Variants in TXNRD3 observed in about 807,000 individuals in gnomAD.
TXNRD3 encodes thioredoxin reductase 3, also known as TXNRD3 neighbor gene protein.
TXNRD3 carries 68 observed loss-of-function variants against 78.2 expected under a neutral mutation model. That is an observed-to-expected ratio of 0.87 (90% confidence interval 0.72 to 1.06). The LOEUF (loss-of-function observed/expected upper bound fraction) is 1.06, where lower values mean the gene tolerates loss of function less well. TXNRD3 is among the 50% of genes least tolerant of loss of function. The pLI is 0.00. For missense variants in TXNRD3, 751 were observed against 809.5 expected (o/e 0.93, Z 0.88); for synonymous variants, 296 against 300.1 (o/e 0.99, Z 0.14).
At chr3:126,649,194 G>C (rs777239) in intron 1 of TXNRD3, among the ~76,000 whole-genome samples, 2 of 152,234 alleles carry the variant, frequency 1.3e-5, no homozygotes, top group Non-Finnish European at 2.9e-5. Flanking sequence ...CTTGAATATA[G>C]ATTTCTTCAA....
At position 126,643,926 on chromosome 3, in the gene TXNRD3, A is replaced by T. The variant is rs1412656751; in HGVS notation, c.592+55T>A. 7 of 1,459,116 alleles carry T rather than the reference A, an allele frequency of 4.8e-6. No individual in the cohort carries two copies. The East Asian group carries it at 1.7e-4, about 36-fold the overall frequency. 90.4% of individuals were successfully genotyped at this position (1,459,116 alleles called of 1,614,324 possible). On this transcript the variant is annotated intron_variant, in intron 5 of 15. Transcript: ENST00000524230. The stretch of plus-strand genomic sequence containing the variant: ...TTGTGAGGATTAAATGAGATTACAT[A>T]AAGCAAACAACATATGTAAAGAGCA...
intron 9 of TXNRD3, 71 bp from the exon 10 acceptor site, chr3:126,629,542 C>T (rs990540696): frequency 1.2e-5 from 14 of 1,184,450 alleles, no homozygotes; most frequent in Non-Finnish European, 1.3e-5. Context: ...AGGGTCTACA[C>T]CGGTATGTTC....
intron 13 of TXNRD3, 51 bp downstream of exon 13, chr3:126,615,304 A>G (rs1938292254): frequency 4.6e-6 from 4 of 860,376 alleles, no homozygotes; most frequent in Non-Finnish European, 6.8e-6. Flanking sequence ...GCAAAGATAA[A>G]TTGTTGATTA....
intron 5 of TXNRD3, 134 bp from the exon 6 acceptor site, chr3:126,642,285 C>G (rs568733074): frequency 2.4e-5 from 29 of 1,215,128 alleles, no homozygotes; most frequent in African/African-American, 1.5e-4. Context: ...AAATAAGACA[C>G]AAGGGATTAA....
At chr3:126,636,706 C>T (rs1032084899) in intron 6 of TXNRD3, among the ~76,000 whole-genome samples, 7 of 152,154 alleles carry the variant, frequency 4.6e-5, no homozygotes, top group Non-Finnish European at 8.8e-5. Context: ...GTTTGGGCAC[C>T]TCTATGGGGT....
In TXNRD3 at chr3:126,633,894, A is replaced by G; in HGVS notation, c.855+15T>C. ...AAAGAAAGGAGATGAACAAGACAAG[A>G]AACTCAAGCACTACCTTTATTTTAT... On this transcript the variant is annotated intron_variant, in intron 7 of 15. Coordinates refer to ENST00000524230, the MANE Select transcript of TXNRD3 (RefSeq NM_052883.3). 2.0e-6 allele frequency: 3 copies of G among 1,464,472 alleles called. No homozygotes were observed. In the South Asian group the frequency reaches 4.2e-5, roughly 21 times the overall value. 90.7% of individuals were successfully genotyped at this position (1,464,472 alleles called of 1,614,324 possible). A position where few individuals can be genotyped will look rare whatever the true frequency, so the allele number is the denominator to read the frequency against.
intron 3 of TXNRD3, among the ~76,000 whole-genome samples, chr3:126,644,731 T>G (rs1933187663): frequency 6.6e-6 from 1 of 152,262 alleles, no homozygotes; most frequent in Non-Finnish European, 1.5e-5. Flanking sequence ...TATAGTCAAG[T>G]GCAGTGGAAT....
intron 14 of TXNRD3, among the ~76,000 whole-genome samples, chr3:126,610,782 A>G (rs375503570): frequency 6.6e-6 from 1 of 152,154 alleles, no homozygotes; most frequent in East Asian, 1.9e-4. Flanking sequence ...CCTCTGTGAC[A>G]TGTTAACTAA....
chr3:126,615,777 C>T (rs1938305297), intron 12 of TXNRD3, among the ~76,000 whole-genome samples: 1 of 152,150 alleles, frequency 6.6e-6, no homozygotes, highest in East Asian at 1.9e-4. Context: ...AGACACTCTC[C>T]AAAATGTTTT....
chr3:126,615,046 C>T (rs1345498544), intron 13 of TXNRD3, among the ~76,000 whole-genome samples: 2 of 152,192 alleles, frequency 1.3e-5, no homozygotes, highest in African/African-American at 2.4e-5. Flanking sequence ...ATTCCTACCC[C>T]TGCAGTCCCA....
chr3:126,642,757 T>C (rs907481244), intron 5 of TXNRD3, among the ~76,000 whole-genome samples: 3 of 152,074 alleles, frequency 2.0e-5, no homozygotes, highest in African/African-American at 7.2e-5. Flanking sequence ...CACAAGAACA[T>C]TATGAGAAAA....
intron 10 of TXNRD3, among the ~76,000 whole-genome samples, chr3:126,628,695 C>T (rs1009322076): frequency 1.3e-5 from 2 of 151,942 alleles, no homozygotes; most frequent in African/African-American, 2.4e-5. Flanking sequence ...GATAGATATA[C>T]CATGTTCATG....
chr3:126,647,193 G>T, intron 2 of TXNRD3, 43 bp downstream of exon 2: 2 of 1,389,048 alleles, frequency 1.4e-6, no homozygotes, highest in Non-Finnish European at 1.9e-6. Context: ...AATCTCGCTG[G>T]CATTTATTAT....
intron 12 of TXNRD3, among the ~76,000 whole-genome samples, chr3:126,621,202 T>C (rs1938448166): frequency 6.6e-6 from 1 of 152,220 alleles, no homozygotes; most frequent in African/African-American, 2.4e-5. Flanking sequence ...GTAGAAATCA[T>C]CTGATTCACA....
intron 6 of TXNRD3, among the ~76,000 whole-genome samples, chr3:126,638,031 C>T (rs1932951638): frequency 6.8e-6 from 1 of 147,900 alleles, no homozygotes. Context: ...GCAACCTCCG[C>T]CTCCTGGGTT....
Position 126,622,494 on chromosome 3 carries a change from A to C in TXNRD3, c.1337T>G (p.Leu446Trp). Residue 446 changes from leucine (L) to tryptophan (W), a missense_variant, in exon 11 of 16, where the codon TTG (leucine) becomes TGG (tryptophan). Transcript: ENST00000524230. Reference sequence around the variant, plus strand: ...ATTAATTTTGACACCAATCTTCTCCAAGCCTATTTTCCTTGTACAGGAGTC... The same window carrying C: ...ATTAATTTTGACACCAATCTTCTCCCAGCCTATTTTCCTTGTACAGGAGTC... The C allele has an allele frequency of 6.5e-7, 1 of 1,535,694 alleles. No individual in the cohort carries two copies. The highest frequency in any genetic ancestry group is 8.7e-7 in the Non-Finnish European group (1 of 1,146,772).
rs200234535 is a variant in TXNRD3, at chr3:126,615,368, T to G, written c.1619A>C (p.Lys540Thr). 1 of 1,475,514 alleles carries G rather than the reference T, an allele frequency of 6.8e-7. No individual in the cohort carries two copies. The highest frequency in any genetic ancestry group is 1.3e-5 in the South Asian group (1 of 75,532). 91.4% of individuals were successfully genotyped at this position (1,475,514 alleles called of 1,614,324 possible). Reference sequence around the variant, plus strand: ...ACACAATCTTACTTCTAGATTCTCTTTTTTATATACTTCAATAGCTTTCTC... The same window carrying G: ...ACACAATCTTACTTCTAGATTCTCTGTTTTATATACTTCAATAGCTTTCTC... The change falls in exon 13 of 16, where the codon AAA (lysine) becomes ACA (threonine). Residue 540 changes from lysine (K) to threonine (T), a missense_variant. Coordinates refer to ENST00000524230, the MANE Select transcript of TXNRD3 (RefSeq NM_052883.3).
At chr3:126,615,148 A>G (rs949477) in intron 13 of TXNRD3, among the ~76,000 whole-genome samples, 89,010 of 151,998 alleles carry the variant, frequency 0.59, 26,528 homozygotes, top group Non-Finnish European at 0.65. Context: ...CTTATAGATT[A>G]CACTTCCCTC....
At chr3:126,635,702 T>C (rs79881894) in intron 6 of TXNRD3, among the ~76,000 whole-genome samples, 9,940 of 152,300 alleles carry the variant, frequency 0.065, 406 homozygotes, top group Middle Eastern at 0.095. Context: ...ACATCCTCTA[T>C]AAAAGCATAG....
Sources: gnomAD v4.1 joint callset for allele counts (sites outside exome capture counted in the v4.1 genomes callset) on GRCh38, gnomAD v4.1.1 for gene constraint, MANE v1.5 for transcripts, NCBI Gene and HGNC (gene_info 2026-07-23, HGNC 2026-07-21) for gene names.